The following PCDH15 variants were observed in gnomAD, a reference collection of about 807,000 sequenced individuals.
The protein encoded by PCDH15 is protocadherin related 15, also known as protocadherin-15.
PCDH15 carries 129 observed loss-of-function variants against 178.5 expected under a neutral mutation model. The ratio of observed to expected loss-of-function variants is 0.72; its 90% CI spans 0.63 to 0.84. The LOEUF is 0.84. Among genes scored for constraint, PCDH15 ranks in the 40% least tolerant of loss-of-function variants. The pLI is 0.00. For missense variants in PCDH15, 2,230 were observed against 2,099.9 expected (o/e 1.06, Z -1.21); for synonymous variants, 800 against 732.0 (o/e 1.09, Z -1.50).
chr10:53,879,730 G>A (rs11003903), intron 26 of PCDH15, among the ~76,000 whole-genome samples: 10,981 of 152,080 alleles, frequency 0.072, 1,132 homozygotes, highest in African/African-American at 0.22. Flanking sequence ...TCAGCCTCTC[G>A]AGTACCAGGG....
chr10:54,030,785 ACT>A lies in PCDH15; in HGVS notation c.2221-7590_2221-7589del, dbSNP rs367547534. On this transcript the variant is annotated intron_variant, in intron 18 of 37. Transcript: ENST00000644397. ...CCCTCAGACTAACTCTCTGACACAA[ACT>A]CTGTGTTTTAGTCAAAGGAGTCTAT... Among the ~76,000 whole-genome samples, 141 of 151,850 alleles carry A rather than the reference ACT, an allele frequency of 9.3e-4. 2 individuals are homozygous for A. The highest frequency in any genetic ancestry group is 4.3e-3 in the Admixed American group (66 of 15,218).
intron 2 of PCDH15, among the ~76,000 whole-genome samples, chr10:55,385,776 TAG>T: frequency 6.9e-6 from 1 of 144,910 alleles, no homozygotes; most frequent in African/African-American, 2.7e-5. Context: ...TATACGTATA[TAG>T]ATATGCATAT....
At chr10:55,346,941 G>A (rs747093957) in intron 2 of PCDH15, among the ~76,000 whole-genome samples, 60 of 152,040 alleles carry the variant, frequency 3.9e-4, no homozygotes, top group Admixed American at 9.8e-4. Flanking sequence ...TGAGTTGGGC[G>A]CGGTGACTCA....
chr10:55,559,906 T>C (rs1842162194), intron 2 of PCDH15, among the ~76,000 whole-genome samples: 1 of 151,964 alleles, frequency 6.6e-6, no homozygotes, highest in African/African-American at 2.4e-5. Context: ...ACAAACACTG[T>C]ACTTTCCAAT....
chr10:54,058,546 C>T (rs10763064), intron 18 of PCDH15, among the ~76,000 whole-genome samples: 91,167 of 151,928 alleles, frequency 0.6, 27,509 homozygotes, highest in Middle Eastern at 0.75. Flanking sequence ...GTCCTTTCCA[C>T]GACGTGTGGG....
At chr10:54,335,020 C>T (rs1033030534) in intron 6 of PCDH15, among the ~76,000 whole-genome samples, 1 of 152,136 alleles carries the variant, frequency 6.6e-6, no homozygotes, top group African/African-American at 2.4e-5. Flanking sequence ...CAGCCTTAAG[C>T]TTGTCTCTGA....
At chr10:55,210,423 A>G (rs1198573508) in intron 1 of PCDH15, among the ~76,000 whole-genome samples, 1 of 151,870 alleles carries the variant, frequency 6.6e-6, no homozygotes, top group Non-Finnish European at 1.5e-5. Flanking sequence ...AAAGTATAAG[A>G]GACCACAACA....
chr10:54,486,851 A>AC (rs994435677), intron 3 of PCDH15, among the ~76,000 whole-genome samples: 11 of 151,728 alleles, frequency 7.2e-5, no homozygotes, highest in African/African-American at 2.7e-4. Flanking sequence ...CTTTCTTGGG[A>AC]CTCTACTTTA....
At chr10:55,346,604 A>G (rs1844760339) in intron 2 of PCDH15, among the ~76,000 whole-genome samples, 1 of 152,140 alleles carries the variant, frequency 6.6e-6, no homozygotes, top group Admixed American at 6.6e-5. Flanking sequence ...AGTGAATGCA[A>G]AAAGCAAAAC....
At chr10:55,437,410 G>C (rs1228178984) in intron 2 of PCDH15, among the ~76,000 whole-genome samples, 1 of 152,144 alleles carries the variant, frequency 6.6e-6, no homozygotes, top group African/African-American at 2.4e-5. Flanking sequence ...TGGAGGTTCA[G>C]AAGAATAGTT....
At chr10:54,452,800 A>T (rs1474945242) in intron 3 of PCDH15, among the ~76,000 whole-genome samples, 1 of 152,062 alleles carries the variant, frequency 6.6e-6, no homozygotes, top group African/African-American at 2.4e-5. Context: ...AAGAGACTAG[A>T]CTGGAGAGTA....
intron 3 of PCDH15, among the ~76,000 whole-genome samples, chr10:54,463,844 T>C (rs2077350108): frequency 6.6e-6 from 1 of 151,978 alleles, no homozygotes; most frequent in Non-Finnish European, 1.5e-5. Flanking sequence ...ACGAGCGACA[T>C]TTGAACTCCG....
At chr10:54,796,273 T>TGTATCTAC (rs1951982436) in intron 1 of PCDH15, among the ~76,000 whole-genome samples, 1 of 102,746 alleles carries the variant, frequency 9.7e-6, no homozygotes, top group South Asian at 3.1e-4. Flanking sequence ...TATCTATCTA[T>TGTATCTAC]GTATCTATGT....
At chr10:55,599,896 A>G in intron 2 of PCDH15, 1 of 1,514,516 alleles carries the variant, frequency 6.6e-7, no homozygotes, top group Non-Finnish European at 8.8e-7. Flanking sequence ...AGGGACTTGT[A>G]TGAATGGCCA....
chr10:55,415,368 T>C (rs982638739), intron 2 of PCDH15, among the ~76,000 whole-genome samples: 2 of 151,644 alleles, frequency 1.3e-5, no homozygotes, highest in African/African-American at 2.4e-5. Context: ...ATTTTTTCCT[T>C]GGTCATATAA....
chr10:54,749,880 A>G (rs1406482106), intron 1 of PCDH15, among the ~76,000 whole-genome samples: 1 of 152,128 alleles, frequency 6.6e-6, no homozygotes, highest in Admixed American at 6.5e-5. Flanking sequence ...TAGACTCTGG[A>G]GTATCAGATG....
At chr10:54,115,412 C>T (rs191525750) in intron 15 of PCDH15, among the ~76,000 whole-genome samples, 4 of 152,306 alleles carry the variant, frequency 2.6e-5, no homozygotes, top group Admixed American at 6.5e-5. Context: ...CACACATCCT[C>T]CTTCAAGGAA....
chr10:55,623,710 A>G (rs1262818246), intron 2 of PCDH15, among the ~76,000 whole-genome samples: 1 of 150,880 alleles, frequency 6.6e-6, no homozygotes, highest in Non-Finnish European at 1.5e-5. Context: ...AAAAGATAGG[A>G]GTGGTGGCTA....
chr10:53,937,331 A>C (rs1279447974), intron 25 of PCDH15, among the ~76,000 whole-genome samples: 1 of 152,130 alleles, frequency 6.6e-6, no homozygotes, highest in Non-Finnish European at 1.5e-5. Flanking sequence ...GTGCAGGTAC[A>C]CTTTTCAATT....
Sources: allele counts gnomAD v4.1 joint callset (sites outside exome capture counted in the v4.1 genomes callset), GRCh38; gene constraint gnomAD v4.1.1; transcripts MANE v1.5; gene names NCBI Gene and HGNC (gene_info 2026-07-23, HGNC 2026-07-21).